Variants in ARL15 observed in about 807,000 individuals in gnomAD.
ARL15 encodes ADP-ribosylation factor-like protein 15.
Under a neutral mutation model 25.2 loss-of-function variants are expected in ARL15, and 19 were observed. The ratio of observed to expected loss-of-function variants is 0.75; its 90% confidence interval spans 0.53 to 1.10. The LOEUF is 1.10. Ranked by LOEUF, ARL15 falls within the 50% of genes least tolerant of loss-of-function variation. The pLI is 0.00. For missense variants in ARL15, 220 were observed against 246.0 expected (o/e 0.89, Z 0.71); for synonymous variants, 94 against 86.8 (o/e 1.08, Z -0.46).
At chr5:53,935,873 T>A (rs1311418056) in intron 4 of ARL15, among the ~76,000 whole-genome samples, 1 of 152,100 alleles carries the variant, frequency 6.6e-6, no homozygotes, top group Admixed American at 6.6e-5. Flanking sequence ...CTCAGCCTGC[T>A]GAGTAGCTGA....
chr5:54,139,943 T>A (rs1330077789), intron 3 of ARL15, among the ~76,000 whole-genome samples: 2 of 152,230 alleles, frequency 1.3e-5, no homozygotes, highest in Non-Finnish European at 2.9e-5. Flanking sequence ...ATACTCATTT[T>A]GGATCTTAAC....
intron 1 of ARL15, among the ~76,000 whole-genome samples, chr5:54,195,668 T>A (rs959014122): frequency 1.3e-5 from 2 of 152,188 alleles, no homozygotes; most frequent in Non-Finnish European, 1.5e-5. Flanking sequence ...TCAACCCTCC[T>A]AGAGATGATC....
intron 1 of ARL15, among the ~76,000 whole-genome samples, chr5:54,235,475 C>T (rs33282): frequency 0.7 from 106,166 of 151,456 alleles, 37,768 homozygotes; most frequent in Non-Finnish European, 0.75. Flanking sequence ...CACATATGCA[C>T]GTTAATTCTA....
chr5:54,013,418 A>C (rs912311924), intron 4 of ARL15, among the ~76,000 whole-genome samples: 1 of 152,180 alleles, frequency 6.6e-6, no homozygotes, highest in African/African-American at 2.4e-5. Flanking sequence ...TTTAGTTTAA[A>C]TTTTAACTTT....
At position 54,302,683 on chromosome 5, in the gene ARL15, A is replaced by ATTTTTTTTTT. The variant is rs372704359; in HGVS notation, c.48+7739_48+7748dup. ...GCAAAGCACCTGTTCTAAAATTAAG[A>ATTTTTTTTTT]TTTTTTTTTTTTTTTTTTTTTTTTT... is the stretch of plus-strand genomic sequence containing the variant. On this transcript the variant is annotated intron_variant, in intron 1 of 4. Transcript: ENST00000504924. Among the ~76,000 whole-genome samples the ATTTTTTTTTT allele has an allele frequency of 2.0e-3, 156 of 77,860 alleles. 14 individuals are homozygous for ATTTTTTTTTT. Among genetic ancestry groups the ATTTTTTTTTT allele is most frequent in the Middle Eastern group, 0.026 (2 of 78 alleles). 51.1% of individuals were successfully genotyped at this position (77,860 alleles called of 152,430 possible). A position where few individuals can be genotyped will look rare whatever the true frequency, so the allele number is the denominator to read the frequency against.
chr5:53,949,293 C>T (rs1380268909), intron 4 of ARL15, among the ~76,000 whole-genome samples: 4 of 151,994 alleles, frequency 2.6e-5, no homozygotes, highest in African/African-American at 7.2e-5. Flanking sequence ...AGAGTATTCA[C>T]AAATACACTA....
intron 4 of ARL15, among the ~76,000 whole-genome samples, chr5:54,058,808 T>C (rs1750970374): frequency 6.6e-6 from 1 of 152,006 alleles, no homozygotes; most frequent in African/African-American, 2.4e-5. Flanking sequence ...AGGAGTGATA[T>C]CATCTAACTA....
At chr5:53,980,728 T>A (rs1427148005) in intron 4 of ARL15, among the ~76,000 whole-genome samples, 1 of 152,232 alleles carries the variant, frequency 6.6e-6, no homozygotes, top group African/African-American at 2.4e-5. Flanking sequence ...CATTGAATCT[T>A]ATTTCCTCAG....
At chr5:53,922,244 G>A (rs1745878661) in intron 4 of ARL15, among the ~76,000 whole-genome samples, 1 of 152,088 alleles carries the variant, frequency 6.6e-6, no homozygotes, top group South Asian at 2.1e-4. Flanking sequence ...GTTCCGTTTA[G>A]TTCAATTAAC....
At chr5:54,180,540 T>C (rs908815568) in intron 1 of ARL15, among the ~76,000 whole-genome samples, 5 of 152,246 alleles carry the variant, frequency 3.3e-5, no homozygotes, top group Admixed American at 6.5e-5. Flanking sequence ...AATCCTGTCA[T>C]CCTTTAAGAC....
intron 3 of ARL15, among the ~76,000 whole-genome samples, chr5:54,132,621 G>A (rs1753473256): frequency 6.6e-6 from 1 of 152,078 alleles, no homozygotes. Flanking sequence ...AGGGATAAAA[G>A]AATGGCTACT....
At chr5:54,162,463 C>T (rs962267901) in intron 2 of ARL15, among the ~76,000 whole-genome samples, 3 of 152,162 alleles carry the variant, frequency 2.0e-5, no homozygotes, top group Admixed American at 6.5e-5. Flanking sequence ...TTTTCCTTCT[C>T]TTATCAGCGC....
intron 1 of ARL15, among the ~76,000 whole-genome samples, chr5:54,309,968 G>A (rs1384680083): frequency 6.6e-6 from 1 of 152,354 alleles, no homozygotes; most frequent in Middle Eastern, 3.4e-3. Flanking sequence ...TAGCTTTAGA[G>A]ATTTAATAAC....
chr5:53,975,976 T>C (rs1370508221), intron 4 of ARL15, among the ~76,000 whole-genome samples: 1 of 152,208 alleles, frequency 6.6e-6, no homozygotes, highest in Non-Finnish European at 1.5e-5. Flanking sequence ...CATGATACCT[T>C]TAGGATTGAA....
At chr5:54,028,594 A>C (rs1053098816) in intron 4 of ARL15, among the ~76,000 whole-genome samples, 2 of 152,086 alleles carry the variant, frequency 1.3e-5, no homozygotes, top group African/African-American at 4.8e-5. Flanking sequence ...ATTTTTACCA[A>C]TATGTCAAAA....
At position 53,982,831 on chromosome 5, in the gene ARL15, A is replaced by G. The variant is rs187970448; in HGVS notation, c.463-96118T>C. 6.8e-3 allele frequency among the ~76,000 whole-genome samples: 1,038 copies of G among 152,210 alleles called. 9 individuals are homozygous for G. The highest frequency in any genetic ancestry group is 0.024 in the African/African-American group (994 of 41,528). On this transcript the variant is annotated intron_variant, in intron 4 of 4. Coordinates refer to ENST00000504924, the MANE Select transcript of ARL15 (RefSeq NM_019087.3). ...TGTAAAGGCATTCCTATTTCTCCAC[A>G]TCCTCTCCGGCACCTGTTGTTTCCT...
chr5:54,191,167 C>T (rs1028755179), intron 1 of ARL15, among the ~76,000 whole-genome samples: 2 of 152,148 alleles, frequency 1.3e-5, no homozygotes, highest in Non-Finnish European at 2.9e-5. Context: ...CAGCATGTTT[C>T]AACCCTGAGG....
intron 4 of ARL15, among the ~76,000 whole-genome samples, chr5:54,024,337 G>A (rs1486632557): frequency 6.6e-6 from 1 of 152,206 alleles, no homozygotes; most frequent in East Asian, 1.9e-4. Flanking sequence ...TGGCAGTTAT[G>A]TAACATGAAG....
intron 1 of ARL15, among the ~76,000 whole-genome samples, chr5:54,182,514 GT>G (rs2112433040): frequency 6.6e-6 from 1 of 151,204 alleles, no homozygotes; most frequent in African/African-American, 2.4e-5. Flanking sequence ...CTATATCTCT[GT>G]TTTGGTACCA....
Sources: allele counts gnomAD v4.1 joint callset (sites outside exome capture counted in the v4.1 genomes callset), GRCh38; gene constraint gnomAD v4.1.1; transcripts MANE v1.5; gene names NCBI Gene and HGNC (gene_info 2026-07-23, HGNC 2026-07-21).